SLC25A12: variants seen among roughly 807,000 people sequenced by gnomAD.
SLC25A12 encodes electrogenic aspartate/glutamate antiporter SLC25A12, mitochondrial.
A neutral mutation model predicts 83.3 loss-of-function variants in SLC25A12; 32 were observed. The observed-to-expected ratio is 0.38, with a 90% confidence interval of 0.29 to 0.52. SLC25A12 has a LOEUF of 0.52. Ranked by LOEUF, SLC25A12 falls within the 20% of genes least tolerant of loss-of-function variation. The pLI, the probability that SLC25A12 is intolerant of heterozygous loss-of-function variation, is 0.84. For missense variants in SLC25A12, 611 were observed against 835.6 expected (o/e 0.73, Z 3.31); for synonymous variants, 267 against 291.1 (o/e 0.92, Z 0.84).
chr2:171,823,493 A>T (rs1574699727), intron 9 of SLC25A12, among the ~76,000 whole-genome samples: 1 of 152,124 alleles, frequency 6.6e-6, no homozygotes, highest in Non-Finnish European at 1.5e-5. Flanking sequence ...ACCTTCACAA[A>T]TCTGTTTCTA....
At chr2:171,817,538 T>G (rs1684078928) in intron 9 of SLC25A12, among the ~76,000 whole-genome samples, 1 of 138,988 alleles carries the variant, frequency 7.2e-6, no homozygotes, top group South Asian at 2.2e-4. Context: ...GAGGTGGAGG[T>G]TGCTGTGAGC....
chr2:171,886,047 G>A (rs1685810170), intron 2 of SLC25A12, among the ~76,000 whole-genome samples: 1 of 151,968 alleles, frequency 6.6e-6, no homozygotes, highest in Admixed American at 6.6e-5. Flanking sequence ...TACATGAAAT[G>A]ACTTTGTTTT....
chr2:171,866,566 G>A (rs1421060580), intron 3 of SLC25A12, among the ~76,000 whole-genome samples: 2 of 137,572 alleles, frequency 1.5e-5, no homozygotes, highest in Non-Finnish European at 3.2e-5. Flanking sequence ...CTCCCGAACC[G>A]GGCGGCTGGC....
intron 2 of SLC25A12, among the ~76,000 whole-genome samples, chr2:171,888,362 GCA>G (rs1685866172): frequency 6.7e-6 from 1 of 149,770 alleles, no homozygotes. Flanking sequence ...GCCTCGCAAA[GCA>G]CTGGGATTAC....
intron 2 of SLC25A12, among the ~76,000 whole-genome samples, chr2:171,877,091 A>C (rs773484608): frequency 1.3e-5 from 2 of 152,216 alleles, no homozygotes; most frequent in Non-Finnish European, 2.9e-5. Context: ...GAAAGCCTTA[A>C]CATTCTAAAG....
chr2:171,805,112 TTG>T (rs1172043793), intron 13 of SLC25A12, among the ~76,000 whole-genome samples: 2 of 69,218 alleles, frequency 2.9e-5, no homozygotes, highest in East Asian at 6.3e-4. Context: ...GTTTTGTTTT[TTG>T]TTTTTTTTTT....
chr2:171,793,207 A>G (rs1298966193), intron 14 of SLC25A12, among the ~76,000 whole-genome samples: 1 of 151,678 alleles, frequency 6.6e-6, no homozygotes, highest in Admixed American at 6.6e-5. Flanking sequence ...AAACTCTACT[A>G]CTGTTTTACT....
chr2:171,868,163 T>A (rs1215080984), intron 3 of SLC25A12, among the ~76,000 whole-genome samples: 2 of 151,870 alleles, frequency 1.3e-5, no homozygotes, highest in African/African-American at 4.8e-5. Flanking sequence ...TTTTTCATAA[T>A]GATTTATGTA....
At chr2:171,860,167 A>AT (rs1000998049) in intron 3 of SLC25A12, among the ~76,000 whole-genome samples, 2 of 152,192 alleles carry the variant, frequency 1.3e-5, no homozygotes, top group African/African-American at 4.8e-5. Context: ...TATTATGTAT[A>AT]TTTTAACACG....
At chr2:171,860,082 T>C (rs192347527) in intron 3 of SLC25A12, among the ~76,000 whole-genome samples, 3 of 152,254 alleles carry the variant, frequency 2.0e-5, no homozygotes, top group Non-Finnish European at 4.4e-5. Context: ...GATATGATAA[T>C]GGTTGCCTAA....
chr2:171,792,708 G>A (rs1425860342), intron 14 of SLC25A12, among the ~76,000 whole-genome samples: 1 of 151,966 alleles, frequency 6.6e-6, no homozygotes, highest in African/African-American at 2.4e-5. Context: ...TCTCTCAAAG[G>A]GAATTCAAAA....
chr2:171,819,192 T>C (rs1266222634), intron 9 of SLC25A12, among the ~76,000 whole-genome samples: 1 of 134,816 alleles, frequency 7.4e-6, no homozygotes, highest in Non-Finnish European at 1.5e-5. Flanking sequence ...ATAATACGTA[T>C]TATATATTAA....
At chr2:171,794,588 G>C (rs1443935023) in intron 13 of SLC25A12, among the ~76,000 whole-genome samples, 3 of 123,220 alleles carry the variant, frequency 2.4e-5, no homozygotes, top group African/African-American at 1.0e-4. Flanking sequence ...TTAACTAGTA[G>C]AGAAAAAAAA....
chr2:171,787,745 C>T, intron 16 of SLC25A12, 44 bp downstream of exon 16: 3 of 1,613,330 alleles, frequency 1.9e-6, no homozygotes, highest in African/African-American at 1.3e-5. Context: ...GGGGAGGACG[C>T]TAGAGCCAGC....
rs755293232 is a variant in SLC25A12 at position 171,855,891 on chromosome 2, T to C, written c.268A>G (p.Met90Val). ...AACAACTGGAAAGCCACTATGAACA[T>C]GGAATCTGGAGCACATAAAACAGAT... ...FESVLCAPDS[M>V]FIVAFQLFDK... is the part of the protein sequence containing the mutation. Residue 90 changes from methionine (M) to valine (V), a missense_variant, in exon 4 of 18, where the codon ATG becomes GTG. Physicochemically the swap from Met to Val is conservative, Grantham distance 21. This residue lies in a region of SLC25A12 where 540 missense variants were observed against 777.5 expected (regional missense o/e 0.69). Coordinates refer to ENST00000422440, the MANE Select transcript of SLC25A12 (RefSeq NM_003705.5). 5 of 1,613,806 alleles carry C rather than the reference T, an allele frequency of 3.1e-6. No homozygotes were observed. The highest frequency in any genetic ancestry group is 2.2e-5 in the East Asian group (1 of 44,856).
At chr2:171,889,679 ACTT>A (rs1685891558) in intron 2 of SLC25A12, among the ~76,000 whole-genome samples, 1 of 148,098 alleles carries the variant, frequency 6.8e-6, no homozygotes, top group African/African-American at 2.5e-5. Flanking sequence ...TTTTTTTTTA[ACTT>A]CTTAACACTC....
At chr2:171,807,404 A>G (rs779336202) in intron 13 of SLC25A12, among the ~76,000 whole-genome samples, 2 of 152,236 alleles carry the variant, frequency 1.3e-5, no homozygotes, top group African/African-American at 2.4e-5. Context: ...GTCGGTAGCT[A>G]GGAAGAACAA....
chr2:171,842,185 C>T (rs1684692253), intron 5 of SLC25A12, among the ~76,000 whole-genome samples: 1 of 150,606 alleles, frequency 6.6e-6, no homozygotes, highest in Non-Finnish European at 1.5e-5. Flanking sequence ...CTATATTATA[C>T]AATGGAATAG....
At chr2:171,857,981 A>G (rs1462757527) in intron 3 of SLC25A12, among the ~76,000 whole-genome samples, 1 of 152,152 alleles carries the variant, frequency 6.6e-6, no homozygotes, top group Non-Finnish European at 1.5e-5. Context: ...GAACTTAATG[A>G]GTCCTATTAT....
Sources: allele counts gnomAD v4.1 joint callset (sites outside exome capture counted in the v4.1 genomes callset), GRCh38; gene constraint gnomAD v4.1.1; regional missense constraint gnomAD v4.1.1; transcripts MANE v1.5; gene names NCBI Gene and HGNC (gene_info 2026-07-23, HGNC 2026-07-21).